The following TMEM132C variants were observed in gnomAD, a reference collection of about 807,000 sequenced individuals.
TMEM132C encodes protein phosphatase 1, regulatory subunit 152.
In TMEM132C, 29 loss-of-function variants were observed where a neutral mutation model predicts 61.4. That is an observed-to-expected ratio of 0.47 (90% CI 0.35 to 0.64). The LOEUF (loss-of-function observed/expected upper bound fraction) is 0.64, where lower values mean the gene tolerates loss of function less well. TMEM132C is among the 30% of genes least tolerant of loss of function. The pLI, the probability that TMEM132C is intolerant of heterozygous loss-of-function variation, is 0.00. For synonymous variants in TMEM132C, 656 were observed against 633.1 expected (o/e 1.04, Z -0.54); for missense variants, 1,408 against 1,476.9 (o/e 0.95, Z 0.76).
chr12:128,465,140 AC>A (rs1488643640), intron 2 of TMEM132C, among the ~76,000 whole-genome samples: 2 of 150,094 alleles, frequency 1.3e-5, no homozygotes, highest in Non-Finnish European at 3.0e-5. Flanking sequence ...CCTTCTTTAA[AC>A]CCCTGGTGAG....
At chr12:128,629,367 A>T (rs952518673) in intron 4 of TMEM132C, among the ~76,000 whole-genome samples, 8 of 152,176 alleles carry the variant, frequency 5.3e-5, no homozygotes, top group African/African-American at 1.7e-4. Context: ...AAATTTTTTA[A>T]AAATGAGGCG....
intron 2 of TMEM132C, among the ~76,000 whole-genome samples, chr12:128,524,799 G>C (rs755318934): frequency 1.7e-4 from 26 of 152,164 alleles, no homozygotes; most frequent in Non-Finnish European, 2.8e-4. Flanking sequence ...TAAAGATGTG[G>C]ACGGACTTAG....
intron 3 of TMEM132C, among the ~76,000 whole-genome samples, chr12:128,573,959 A>G (rs1257085974): frequency 6.6e-6 from 1 of 152,112 alleles, no homozygotes; most frequent in Non-Finnish European, 1.5e-5. Flanking sequence ...TTAGTACCAA[A>G]GAGGAGTGGA....
At chr12:128,459,618 G>A (rs749328086) in intron 2 of TMEM132C, among the ~76,000 whole-genome samples, 4 of 152,044 alleles carry the variant, frequency 2.6e-5, no homozygotes, top group African/African-American at 9.7e-5. Flanking sequence ...TGGGCCAGGC[G>A]CGGTGGCTCA....
At chr12:128,679,695 G>A (rs187223701) in intron 5 of TMEM132C, among the ~76,000 whole-genome samples, 32 of 152,282 alleles carry the variant, frequency 2.1e-4, no homozygotes, top group African/African-American at 6.7e-4. Flanking sequence ...TATTGAGCAC[G>A]TACTATGCTC....
chr12:128,421,284 G>A (rs918480429), intron 2 of TMEM132C, among the ~76,000 whole-genome samples: 1 of 152,214 alleles, frequency 6.6e-6, no homozygotes, highest in African/African-American at 2.4e-5. Context: ...AACATGTGGT[G>A]TATATATCAT....
intron 1 of TMEM132C, among the ~76,000 whole-genome samples, chr12:128,295,497 C>T (rs1871377459): frequency 6.6e-6 from 1 of 152,026 alleles, no homozygotes; most frequent in Non-Finnish European, 1.5e-5. Context: ...TAAATAATGA[C>T]CGCCTTGAAA....
In TMEM132C at chr12:128,630,024, A is replaced by G. The variant is rs1246450420; in HGVS notation, c.1305+13689A>G. On this transcript the variant is annotated intron_variant, in intron 4 of 8. Coordinates refer to ENST00000435159, the MANE Select transcript of TMEM132C (RefSeq NM_001136103.3). This position sits in a 1 kb window ranked among gnomAD's most constrained non-coding sequence, Gnocchi z 4.3. Reference sequence around the variant, plus strand: ...ATCTCATATTACCTGTTCTTACCATAATAAAATAAATTTTAAAAATTCAAA... The same window carrying G: ...ATCTCATATTACCTGTTCTTACCATGATAAAATAAATTTTAAAAATTCAAA... 3.9e-5 allele frequency among the ~76,000 whole-genome samples: 6 copies of G among 151,994 alleles called. No homozygotes were observed. Among genetic ancestry groups the G allele is most frequent in the African/African-American group, 1.4e-4 (6 of 41,432 alleles).
intron 1 of TMEM132C, among the ~76,000 whole-genome samples, chr12:128,270,939 CA>C (rs1870492604): frequency 6.6e-6 from 1 of 151,200 alleles, no homozygotes; most frequent in Non-Finnish European, 1.5e-5. Context: ...TTTTTTTTTT[CA>C]AAGGCTCCCA....
chr12:128,406,610 G>C (rs1035475015), intron 1 of TMEM132C, among the ~76,000 whole-genome samples: 9 of 152,196 alleles, frequency 5.9e-5, no homozygotes, highest in Non-Finnish European at 1.3e-4. Context: ...GGCTGAAGGA[G>C]TGGCCATGTG....
chr12:128,485,730 A>G (rs1317816089), intron 2 of TMEM132C, among the ~76,000 whole-genome samples: 3 of 152,162 alleles, frequency 2.0e-5, no homozygotes, highest in African/African-American at 7.2e-5. Context: ...CTGGGATGCA[A>G]TGAACCTCCA....
rs1593045215 is a variant in TMEM132C, at chr12:128,415,217, C to T, written c.571C>T (p.Leu191=). 1 of 1,610,254 alleles carries T rather than the reference C, an allele frequency of 6.2e-7. No individual in the cohort carries two copies. The highest frequency in any genetic ancestry group is 2.2e-5 in the East Asian group (1 of 44,550). The change falls in exon 2 of 9, where the codon CTG becomes TTG. Residue 191 remains leucine (L), a synonymous_variant. Transcript: ENST00000435159. The surrounding 1 kb of genome is among the most constrained non-coding windows in gnomAD (Gnocchi z 5.8). ...VRGSCRLKGD[L]GLCVAELELL... is the part of the protein sequence containing the mutation. ...GGGCAGCTGCCGGCTGAAGGGGGAC[C>T]TGGGGCTGTGTGTGGCTGAGCTGGA...
At chr12:128,645,732 G>A (rs569676408) in intron 4 of TMEM132C, among the ~76,000 whole-genome samples, 3 of 152,340 alleles carry the variant, frequency 2.0e-5, no homozygotes, top group African/African-American at 4.8e-5. Context: ...AGCGTTGGAT[G>A]GGAGTGTGTT....
chr12:128,666,053 A>C (rs1954467538), intron 4 of TMEM132C, among the ~76,000 whole-genome samples: 1 of 136,388 alleles, frequency 7.3e-6, no homozygotes, highest in Non-Finnish European at 1.5e-5. Context: ...ATACACAAAC[A>C]CAGGCACTCA....
rs574433555 is a variant in TMEM132C at position 128,490,457 on chromosome 12, G to A, written c.975-53500G>A. On this transcript the variant is annotated intron_variant, in intron 2 of 8. Coordinates refer to ENST00000435159, the MANE Select transcript of TMEM132C (RefSeq NM_001136103.3). Reference sequence around the variant, plus strand: ...ATTGCCCCTGGCAGTGTATTTAGAGGAATGACTTTGTGGGTGGGGCCTGGC... The same window carrying A: ...ATTGCCCCTGGCAGTGTATTTAGAGAAATGACTTTGTGGGTGGGGCCTGGC... 3.5e-4 allele frequency among the ~76,000 whole-genome samples: 53 copies of A among 152,292 alleles called. No individual in the cohort carries two copies. The Middle Eastern group carries it at 0.014, about 39-fold the overall frequency.
At chr12:128,321,584 A>G (rs1321241066) in intron 1 of TMEM132C, among the ~76,000 whole-genome samples, 3 of 152,134 alleles carry the variant, frequency 2.0e-5, no homozygotes, top group Non-Finnish European at 4.4e-5. Flanking sequence ...TGGACATACA[A>G]CCTACACATG....
At chr12:128,333,067 TG>T (rs1565903828) in intron 1 of TMEM132C, among the ~76,000 whole-genome samples, 1 of 152,128 alleles carries the variant, frequency 6.6e-6, no homozygotes, top group African/African-American at 2.4e-5. Context: ...TGTGTGTATA[TG>T]TATGGGTGTT....
chr12:128,501,984 A>G (rs1593076418), intron 2 of TMEM132C, among the ~76,000 whole-genome samples: 1 of 152,196 alleles, frequency 6.6e-6, no homozygotes, highest in African/African-American at 2.4e-5. Context: ...TCTGCCTGAA[A>G]TCATTTGCTG....
intron 1 of TMEM132C, among the ~76,000 whole-genome samples, chr12:128,268,322 T>A (rs962399900): frequency 2.0e-5 from 3 of 152,182 alleles, no homozygotes; most frequent in Non-Finnish European, 4.4e-5. Flanking sequence ...CCGACCTTTT[T>A]TATTATGTGC....
Sources: allele counts gnomAD v4.1 joint callset (sites outside exome capture counted in the v4.1 genomes callset), GRCh38; gene constraint gnomAD v4.1.1; non-coding constraint Gnocchi (gnomAD v3.1); transcripts MANE v1.5; gene names NCBI Gene and HGNC (gene_info 2026-07-23, HGNC 2026-07-21).